Variants in NAA11 observed in about 807,000 individuals in gnomAD.
NAA11 encodes the protein N-alpha-acetyltransferase 11.
Under a neutral mutation model 16.1 loss-of-function variants are expected in NAA11, and 15 were observed. The ratio of observed to expected loss-of-function variants is 0.93; its 90% CI spans 0.62 to 1.44. The LOEUF is 1.44. Among genes scored for constraint, NAA11 ranks in the 40% most tolerant of loss-of-function variants. The probability of loss-of-function intolerance (pLI) is 0.00; values close to 1 mark genes in which losing one functional copy is unlikely to be tolerated. For missense variants in NAA11, 298 were observed against 291.3 expected, an observed-to-expected ratio of 1.02 and a Z score of -0.17; for synonymous variants, 122 against 112.4, an observed-to-expected ratio of 1.09 and a Z score of -0.54.
downstream of NAA11, among the ~76,000 whole-genome samples, chr4:79,223,708 T>G (rs951599052): frequency 6.6e-6 from 1 of 151,404 alleles, no homozygotes; most frequent in Non-Finnish European, 1.5e-5. Flanking sequence ...ATATCCCGCC[T>G]AGGAGGTATA....
At chr4:79,208,477 A>T in the NAA11 span, among the ~76,000 whole-genome samples, 10 of 152,174 alleles carry the variant, frequency 6.6e-5, no homozygotes, top group Admixed American at 5.9e-4. Context: ...AAATAGATAT[A>T]CATGCTTTTC....
chr4:79,241,929 C>T (rs1209727939), intron 2 of NAA11, among the ~76,000 whole-genome samples: 1 of 152,174 alleles, frequency 6.6e-6, no homozygotes, highest in African/African-American at 2.4e-5. Context: ...GGAGATGGAA[C>T]CTATAAGCAT....
the NAA11 span, among the ~76,000 whole-genome samples, chr4:79,173,722 C>G: frequency 6.6e-6 from 1 of 151,910 alleles, no homozygotes; most frequent in Non-Finnish European, 1.5e-5. Flanking sequence ...GGAAGCATGG[C>G]CAAGGCAAAG....
At chr4:79,204,206 G>T in the NAA11 span, among the ~76,000 whole-genome samples, 1 of 151,762 alleles carries the variant, frequency 6.6e-6, no homozygotes, top group Non-Finnish European at 1.5e-5. Context: ...TTTGGTAGCT[G>T]CAAAAAGGCT....
At chr4:79,223,330 T>C (rs1721234524), downstream of NAA11, among the ~76,000 whole-genome samples, 4 of 148,100 alleles carry the variant, frequency 2.7e-5, no homozygotes, top group Admixed American at 2.0e-4. Context: ...AAATGATGAG[T>C]TCATGTCCTT....
intron 2 of NAA11, among the ~76,000 whole-genome samples, chr4:79,236,116 A>G (rs1349521068): frequency 6.6e-6 from 1 of 152,146 alleles, no homozygotes; most frequent in East Asian, 1.9e-4. Flanking sequence ...ACTTATAACT[A>G]CATAAGTCTT....
chr4:79,183,194 G>A, the NAA11 span, among the ~76,000 whole-genome samples: 1 of 151,990 alleles, frequency 6.6e-6, no homozygotes, highest in Non-Finnish European at 1.5e-5. Context: ...TCTGTGGGAG[G>A]TTACTAGGAT....
chr4:79,249,530 G>A lies in NAA11; in HGVS notation c.*123-23260C>T, dbSNP rs148989149. 3.1e-3 allele frequency among the ~76,000 whole-genome samples: 476 copies of A among 152,140 alleles called. 2 individuals are homozygous for A. Among genetic ancestry groups the A allele is most frequent in the South Asian group, 0.012 (60 of 4,802 alleles). Reference sequence around the variant, plus strand: ...GAAAGAATCTCAGGGCTCAAACACCGGCTCTCTGAAATAACACAGTCAGAC... The same window carrying A: ...GAAAGAATCTCAGGGCTCAAACACCAGCTCTCTGAAATAACACAGTCAGAC... On this transcript the variant is annotated intron_variant and NMD_transcript_variant, in intron 2 of 2. Transcript: ENST00000511542.
In NAA11 at chr4:79,291,484, T is replaced by C. The variant is rs572584036; in HGVS notation, c.*122+2521A>G. The stretch of plus-strand genomic sequence containing the variant: ...TCTCAAAATTAAAAATAAAAAAGAA[T>C]TGGGCCGGGCCTGGTGGCTCACCTG... On this transcript the variant is annotated intron_variant and NMD_transcript_variant, in intron 2 of 2. Coordinates refer to the NAA11 transcript ENST00000511542. Among the ~76,000 whole-genome samples, 8 of 151,940 alleles carry C rather than the reference T, an allele frequency of 5.3e-5. No individual in the cohort carries two copies. In the East Asian group the frequency reaches 9.7e-4, roughly 18 times the overall value.
the NAA11 span, among the ~76,000 whole-genome samples, chr4:79,186,309 C>G: frequency 1.3e-5 from 2 of 152,134 alleles, no homozygotes; most frequent in Non-Finnish European, 2.9e-5. Context: ...TGAATCTAAA[C>G]ATGTCTGAGT....
At chr4:79,164,787 A>T in the NAA11 span, among the ~76,000 whole-genome samples, 1 of 152,224 alleles carries the variant, frequency 6.6e-6, no homozygotes, top group African/African-American at 2.4e-5. Flanking sequence ...GAATGTATCT[A>T]CCTTTAAGGG....
the NAA11 span, among the ~76,000 whole-genome samples, chr4:79,210,420 G>T: frequency 6.6e-6 from 1 of 152,044 alleles, no homozygotes; most frequent in Non-Finnish European, 1.5e-5. Flanking sequence ...CTTCCTTTGT[G>T]GTTTTCCTGT....
the NAA11 span, among the ~76,000 whole-genome samples, chr4:79,212,111 A>T: frequency 1.1e-4 from 16 of 152,320 alleles, no homozygotes; most frequent in African/African-American, 3.1e-4. Context: ...AATACAACTT[A>T]ACTGTTTTGA....
chr4:79,219,897 T>C, the NAA11 span, among the ~76,000 whole-genome samples: 1 of 152,222 alleles, frequency 6.6e-6, no homozygotes, highest in Non-Finnish European at 1.5e-5. Flanking sequence ...TTCAAGTTTC[T>C]CCAACTGTCC....
intron 2 of NAA11, among the ~76,000 whole-genome samples, chr4:79,244,166 T>C (rs1035300750): frequency 6.6e-6 from 1 of 152,214 alleles, no homozygotes; most frequent in Non-Finnish European, 1.5e-5. Context: ...GGCCTCTCCC[T>C]GGCTCTGGCT....
chr4:79,255,766 T>C (rs972137561), intron 2 of NAA11, among the ~76,000 whole-genome samples: 2 of 152,216 alleles, frequency 1.3e-5, no homozygotes, highest in Admixed American at 1.3e-4. Flanking sequence ...GAGACGTTGT[T>C]ACAGCTCCAT....
the NAA11 span, among the ~76,000 whole-genome samples, chr4:79,181,806 G>A: frequency 3.3e-5 from 5 of 152,156 alleles, no homozygotes. Flanking sequence ...GTGTGTAAGG[G>A]ATGTGGCCAC....
chr4:79,233,378 A>T (rs1242902089), intron 2 of NAA11, among the ~76,000 whole-genome samples: 1 of 152,122 alleles, frequency 6.6e-6, no homozygotes, highest in Admixed American at 6.6e-5. Context: ...TCTTGGAGGT[A>T]TATATTGATT....
At chr4:79,187,469 C>T in the NAA11 span, among the ~76,000 whole-genome samples, 2 of 152,196 alleles carry the variant, frequency 1.3e-5, no homozygotes, top group Non-Finnish European at 2.9e-5. Context: ...AGTAACATTT[C>T]AGTTCTTCCC....
Sources: allele counts gnomAD v4.1 joint callset (sites outside exome capture counted in the v4.1 genomes callset), GRCh38; gene constraint gnomAD v4.1.1; transcripts MANE v1.5; gene names NCBI Gene and HGNC (gene_info 2026-07-23, HGNC 2026-07-21).